The following LUZP2 variants were observed in gnomAD, a reference collection of about 807,000 sequenced individuals.
LUZP2 encodes leucine zipper protein 2.
Under a neutral mutation model 51.6 loss-of-function variants are expected in LUZP2, and 52 were observed. The observed-to-expected ratio is 1.01, with a 90% CI of 0.81 to 1.27. LUZP2 has a LOEUF of 1.27. LUZP2 is among the 50% of genes most tolerant of loss of function. The pLI is 0.00. For missense variants in LUZP2, 436 were observed against 395.4 expected (o/e 1.10, Z -0.87); for synonymous variants, 154 against 137.3 (o/e 1.12, Z -0.85).
chr11:24,833,712 G>GCACACACACA lies in LUZP2; in HGVS notation c.396+70414_396+70423dup, dbSNP rs71044309. On this transcript the variant is annotated intron_variant, in intron 5 of 11. Coordinates refer to ENST00000336930, the MANE Select transcript of LUZP2 (RefSeq NM_001009909.4). Reference sequence around the variant, plus strand: ...CCCCCACGCCTGCCACCGCGCGCGCGCACACACACACACACACACTTGATT... The same window carrying GCACACACACA: ...CCCCCACGCCTGCCACCGCGCGCGCGCACACACACACACACACACACACACACACTTGATT... Among the ~76,000 whole-genome samples the GCACACACACA allele has an allele frequency of 3.2e-3, 469 of 147,222 alleles. 3 individuals are homozygous for GCACACACACA. Among genetic ancestry groups the GCACACACACA allele is most frequent in the African/African-American group, 0.011 (443 of 40,368 alleles).
intron 1 of LUZP2, among the ~76,000 whole-genome samples, chr11:24,508,082 G>A (rs147798345): frequency 3.2e-4 from 49 of 152,096 alleles, no homozygotes; most frequent in African/African-American, 1.1e-3. Context: ...GATTACTGAT[G>A]TTGCCCTAAT....
At chr11:24,719,442 G>A (rs763649747) in intron 1 of LUZP2, among the ~76,000 whole-genome samples, 7 of 152,130 alleles carry the variant, frequency 4.6e-5, no homozygotes, top group Non-Finnish European at 1.0e-4. Flanking sequence ...TCTTCCTGCT[G>A]AAGTCAACAG....
rs1390412707 is a variant in LUZP2 at position 25,064,346 on chromosome 11, A to G, written c.859-12983A>G. Among the ~76,000 whole-genome samples, 4 of 152,090 alleles carry G rather than the reference A, an allele frequency of 2.6e-5. No homozygotes were observed. In the East Asian group the frequency reaches 5.8e-4, roughly 22 times the overall value. On this transcript the variant is annotated intron_variant, in intron 10 of 11. Coordinates refer to ENST00000336930, the MANE Select transcript of LUZP2 (RefSeq NM_001009909.4). ...TATTAAATTATGTATCTACTGCTTT[A>G]TAATTGCTTGTTAAATATAAATTTC...
At chr11:24,552,327 AT>A (rs563471845) in intron 1 of LUZP2, among the ~76,000 whole-genome samples, 1 of 152,030 alleles carries the variant, frequency 6.6e-6, no homozygotes, top group South Asian at 2.1e-4. Context: ...AATGATAAAA[AT>A]TCTCACAAAA....
At chr11:24,748,441 G>A (rs1431861983) in intron 4 of LUZP2, among the ~76,000 whole-genome samples, 4 of 151,780 alleles carry the variant, frequency 2.6e-5, no homozygotes, top group East Asian at 1.9e-4. Flanking sequence ...CCTTTAGAGG[G>A]TGTGTCTATT....
intron 1 of LUZP2, chr11:24,701,150 C>T (rs1199375293): frequency 6.5e-6 from 1 of 152,716 alleles, no homozygotes; most frequent in Non-Finnish European, 1.5e-5. Flanking sequence ...GGTTATCACC[C>T]CTCCGTGGAA....
intron 5 of LUZP2, among the ~76,000 whole-genome samples, chr11:24,844,835 C>G (rs965173614): frequency 4.6e-5 from 7 of 152,210 alleles, no homozygotes; most frequent in Admixed American, 2.6e-4. Context: ...GGTGTTGAAC[C>G]TGCAAGTGCA....
chr11:24,740,919 A>G lies in LUZP2; in HGVS notation c.333+2617A>G, dbSNP rs534994639. ...CACTGTTGAGCAGAAGATGTAATCAATTATAAGCAACTTCTAAGTTGTATC... is the reference window on the plus strand; with the variant it reads ...CACTGTTGAGCAGAAGATGTAATCAGTTATAAGCAACTTCTAAGTTGTATC... On this transcript the variant is annotated intron_variant, in intron 4 of 11. Transcript: ENST00000336930. 3.3e-5 allele frequency among the ~76,000 whole-genome samples: 5 copies of G among 152,222 alleles called. No individual in the cohort carries two copies. The East Asian group carries it at 9.7e-4, about 29-fold the overall frequency.
rs534938458 is a variant in LUZP2, at chr11:24,652,333, C to A, written c.63-76836C>A. ...CACATAGCTATAATTTAAGAAGATA[C>A]GTGTTAAAATACTTATCAATTTTAA... On this transcript the variant is annotated intron_variant, in intron 1 of 11. Transcript: ENST00000336930. Among the ~76,000 whole-genome samples the A allele has an allele frequency of 5.3e-5, 8 of 152,076 alleles. No homozygotes were observed. In the East Asian group the frequency reaches 1.5e-3, roughly 29 times the overall value.
At chr11:24,938,212 T>C (rs1854644513) in intron 7 of LUZP2, among the ~76,000 whole-genome samples, 1 of 152,156 alleles carries the variant, frequency 6.6e-6, no homozygotes, top group Non-Finnish European at 1.5e-5. Context: ...CAGAAATGAA[T>C]TATTGGGATA....
intron 1 of LUZP2, among the ~76,000 whole-genome samples, chr11:24,622,801 T>G (rs570458149): frequency 3.5e-4 from 54 of 152,170 alleles, no homozygotes; most frequent in Admixed American, 6.5e-4. Flanking sequence ...TTGACCAAGT[T>G]TTTGAGAAAA....
At position 24,515,908 on chromosome 11, in the gene LUZP2, T is replaced by C. The variant is rs1431454889; in HGVS notation, c.62+18603T>C. Among the ~76,000 whole-genome samples, 4 of 152,152 alleles carry C rather than the reference T, an allele frequency of 2.6e-5. No individual in the cohort carries two copies. In the South Asian group the frequency reaches 6.2e-4, roughly 24 times the overall value. The stretch of plus-strand genomic sequence containing the variant: ...CACTTCCTTGCTGAATTTTTTGTCC[T>C]GTCATGTTTTTTTTCTTTCTTATGA... On this transcript the variant is annotated intron_variant, in intron 1 of 11. Transcript: ENST00000336930.
At chr11:24,638,686 G>A (rs973520960) in intron 1 of LUZP2, among the ~76,000 whole-genome samples, 2 of 147,616 alleles carry the variant, frequency 1.4e-5, no homozygotes, top group South Asian at 2.2e-4. Context: ...TTATGATAAT[G>A]AAAGTGGAAA....
intron 9 of LUZP2, among the ~76,000 whole-genome samples, chr11:24,997,205 C>T (rs902961229): frequency 6.6e-6 from 1 of 151,412 alleles, no homozygotes; most frequent in African/African-American, 2.4e-5. Context: ...CTGACTTCCA[C>T]AATGGTTGAA....
chr11:24,752,108 C>A (rs1465064424), intron 4 of LUZP2, among the ~76,000 whole-genome samples: 1 of 152,052 alleles, frequency 6.6e-6, no homozygotes, highest in African/African-American at 2.4e-5. Context: ...TATGGAGAAT[C>A]AGAGTAAAAT....
At chr11:25,019,896 T>C (rs1218427809) in intron 9 of LUZP2, among the ~76,000 whole-genome samples, 6 of 147,348 alleles carry the variant, frequency 4.1e-5, no homozygotes. Flanking sequence ...TTTTCACATA[T>C]TGGCATATTG....
chr11:24,646,379 C>T (rs541650390), intron 1 of LUZP2, among the ~76,000 whole-genome samples: 3 of 152,100 alleles, frequency 2.0e-5, no homozygotes, highest in South Asian at 4.1e-4. Context: ...ACGTTTAACA[C>T]GTATGGTTTA....
chr11:24,634,589 A>G (rs1254987250), intron 1 of LUZP2, among the ~76,000 whole-genome samples: 1 of 151,228 alleles, frequency 6.6e-6, no homozygotes, highest in African/African-American at 2.4e-5. Context: ...AGTGTTTTGC[A>G]TTACTGCTTT....
chr11:24,748,876 A>G (rs1277863294), intron 4 of LUZP2, among the ~76,000 whole-genome samples: 2 of 152,190 alleles, frequency 1.3e-5, no homozygotes, highest in Non-Finnish European at 2.9e-5. Flanking sequence ...GCGTGAGGAA[A>G]ATGAGAGAGG....
Sources: allele counts gnomAD v4.1 joint callset (sites outside exome capture counted in the v4.1 genomes callset), GRCh38; gene constraint gnomAD v4.1.1; transcripts MANE v1.5; gene names NCBI Gene and HGNC (gene_info 2026-07-23, HGNC 2026-07-21).